THEMIS: variants seen among roughly 807,000 people sequenced by gnomAD.
The protein encoded by THEMIS is protein THEMIS.
In THEMIS, 37 loss-of-function variants were observed where a neutral mutation model predicts 52.6. That is an observed-to-expected ratio of 0.70 (90% confidence interval 0.54 to 0.93). THEMIS has a LOEUF of 0.93. Among genes scored for constraint, THEMIS ranks in the 40% least tolerant of loss-of-function variants. The probability of loss-of-function intolerance (pLI) is 0.00; values close to 1 mark genes in which losing one functional copy is unlikely to be tolerated. For synonymous variants in THEMIS, 292 were observed against 272.7 expected (o/e 1.07, Z -0.70); for missense variants, 808 against 763.1 (o/e 1.06, Z -0.69).
chr6:127,856,512 C>T (rs766518579), intron 1 of THEMIS, among the ~76,000 whole-genome samples: 1 of 152,024 alleles, frequency 6.6e-6, no homozygotes, highest in Non-Finnish European at 1.5e-5. Flanking sequence ...AGAGGACAAG[C>T]GAGCTACTAA....
intron 4 of THEMIS, among the ~76,000 whole-genome samples, chr6:127,799,867 A>G (rs527761759): frequency 6.6e-6 from 1 of 152,216 alleles, no homozygotes; most frequent in Non-Finnish European, 1.5e-5. Flanking sequence ...CCAATTGAGG[A>G]TGATGTATTT....
intron 1 of THEMIS, chr6:127,909,684 A>G (rs962661878): frequency 1.3e-5 from 2 of 152,166 alleles, no homozygotes; most frequent in African/African-American, 4.8e-5. Context: ...AGTCCCAGTC[A>G]AATGAATTAC....
intron 1 of THEMIS, among the ~76,000 whole-genome samples, chr6:127,918,247 T>C (rs575459962): frequency 6.6e-6 from 1 of 152,238 alleles, no homozygotes; most frequent in African/African-American, 2.4e-5. Context: ...AGAAAGATAA[T>C]TTAAGGATTA....
intron 1 of THEMIS, among the ~76,000 whole-genome samples, chr6:127,908,426 G>T (rs1024120683): frequency 5.3e-5 from 8 of 152,112 alleles, no homozygotes; most frequent in African/African-American, 1.9e-4. Context: ...AGATGAGCCT[G>T]CTCACCATGA....
At chr6:127,857,937 G>T (rs1193226584) in intron 1 of THEMIS, among the ~76,000 whole-genome samples, 2 of 152,052 alleles carry the variant, frequency 1.3e-5, no homozygotes, top group African/African-American at 4.8e-5. Context: ...AGGCTTTTAA[G>T]TAAAGAAGCA....
intron 2 of THEMIS, among the ~76,000 whole-genome samples, chr6:127,830,944 A>G (rs1205925265): frequency 6.6e-6 from 1 of 152,168 alleles, no homozygotes; most frequent in African/African-American, 2.4e-5. Context: ...GAATTTACCA[A>G]ATTTCTTTGA....
At chr6:127,793,662 A>G (rs1001110421) in intron 4 of THEMIS, among the ~76,000 whole-genome samples, 2 of 152,192 alleles carry the variant, frequency 1.3e-5, no homozygotes, top group Admixed American at 6.5e-5. Context: ...TTTTTCAGCT[A>G]TAGCAAAGCA....
At chr6:127,799,537 T>A (rs1297537508) in intron 4 of THEMIS, among the ~76,000 whole-genome samples, 1 of 125,860 alleles carries the variant, frequency 7.9e-6, no homozygotes, top group Non-Finnish European at 1.8e-5. Context: ...TTCTCTTTCT[T>A]TCTTTCTTTC....
intron 3 of THEMIS, among the ~76,000 whole-genome samples, chr6:127,820,983 A>T (rs1778319598): frequency 6.6e-6 from 1 of 152,048 alleles, no homozygotes; most frequent in African/African-American, 2.4e-5. Flanking sequence ...CTAGAGAAAG[A>T]TAAAGACACC....
chr6:127,874,851 T>C (rs991350572), intron 1 of THEMIS, among the ~76,000 whole-genome samples: 1 of 152,242 alleles, frequency 6.6e-6, no homozygotes, highest in Non-Finnish European at 1.5e-5. Context: ...GACCTTATCA[T>C]TGAGGGAAGT....
chr6:127,710,155 A>C, intron 5 of THEMIS, 139 bp from the exon 6 acceptor site: 1 of 515,352 alleles, frequency 1.9e-6, no homozygotes, highest in Non-Finnish European at 3.3e-6. Flanking sequence ...AGAAAGAGCC[A>C]GCAAAATAAA....
chr6:127,740,856 T>C (rs892376734), intron 4 of THEMIS, among the ~76,000 whole-genome samples: 1 of 152,222 alleles, frequency 6.6e-6, no homozygotes, highest in Non-Finnish European at 1.5e-5. Context: ...TTTTGTGACA[T>C]ATATTTTTTA....
chr6:127,826,494 C>A (rs1169457530), intron 3 of THEMIS, among the ~76,000 whole-genome samples: 2 of 152,058 alleles, frequency 1.3e-5, no homozygotes, highest in Non-Finnish European at 2.9e-5. Context: ...TGGGCTAAAA[C>A]CATACCTCCC....
chr6:127,864,921 C>A (rs1222653345), intron 1 of THEMIS, among the ~76,000 whole-genome samples: 1 of 152,150 alleles, frequency 6.6e-6, no homozygotes, highest in Non-Finnish European at 1.5e-5. Context: ...GTGCATAGGG[C>A]AGAGCCCAAG....
At chr6:127,717,285 G>A (rs1328060983) in intron 5 of THEMIS, among the ~76,000 whole-genome samples, 1 of 151,682 alleles carries the variant, frequency 6.6e-6, no homozygotes, top group Non-Finnish European at 1.5e-5. Flanking sequence ...AATTGCTCAT[G>A]GTATATAGCT....
intron 5 of THEMIS, among the ~76,000 whole-genome samples, chr6:127,714,707 T>C (rs561919311): frequency 6.4e-4 from 97 of 152,054 alleles, no homozygotes; most frequent in African/African-American, 2.1e-3. Flanking sequence ...GTCTGTCTCA[T>C]TGCAAAACTT....
At chr6:127,754,962 T>C (rs147421598) in intron 4 of THEMIS, among the ~76,000 whole-genome samples, 86 of 151,824 alleles carry the variant, frequency 5.7e-4, no homozygotes, top group South Asian at 3.3e-3. Context: ...ATTGGAGAAC[T>C]TTCCCAAGAA....
chr6:127,791,083 G>A (rs556109659), intron 4 of THEMIS, among the ~76,000 whole-genome samples: 20 of 152,318 alleles, frequency 1.3e-4, no homozygotes, highest in African/African-American at 4.8e-4. Flanking sequence ...GCAAGCAGGG[G>A]GTGTATTTCA....
At chr6:127,781,643 T>C (rs1440389628) in intron 4 of THEMIS, among the ~76,000 whole-genome samples, 1 of 152,144 alleles carries the variant, frequency 6.6e-6, no homozygotes, top group East Asian at 1.9e-4. Flanking sequence ...CTTCTAACAG[T>C]CAGGCCCCTC....
Sources: gnomAD v4.1 joint callset for allele counts (sites outside exome capture counted in the v4.1 genomes callset) on GRCh38, gnomAD v4.1.1 for gene constraint, MANE v1.5 for transcripts, NCBI Gene and HGNC (gene_info 2026-07-23, HGNC 2026-07-21) for gene names.